The following ATRN variants were observed in gnomAD, a reference collection of about 807,000 sequenced individuals.
The protein encoded by ATRN is attractin.
ATRN carries 54 observed loss-of-function variants against 178.7 expected under a neutral mutation model. The observed-to-expected ratio is 0.30, with a 90% confidence interval of 0.24 to 0.38. ATRN has a LOEUF of 0.38. Ranked by LOEUF, ATRN falls within the 10% of genes least tolerant of loss-of-function variation. ATRN has a pLI of 1.00. For synonymous variants in ATRN, 636 were observed against 663.0 expected (o/e 0.96, Z 0.63); for missense variants, 1,443 against 1,815.1 (o/e 0.79, Z 3.73).
At position 3,531,830 on chromosome 20, in the gene ATRN, T is replaced by C. The variant is rs559680976; in HGVS notation, c.411-3423T>C. Among the ~76,000 whole-genome samples, 18 of 152,256 alleles carry C rather than the reference T, an allele frequency of 1.2e-4. No homozygotes were observed. The Middle Eastern group carries it at 0.01, about 86-fold the overall frequency. ...ACAACAACAACAACAACAAGATTCG[T>C]CTGTGATCATATCTATGCATTATCT... On this transcript the variant is annotated intron_variant, in intron 1 of 28. Coordinates refer to ENST00000262919, the MANE Select transcript of ATRN (RefSeq NM_139321.3).
At chr20:3,574,935 T>C (rs1484766436) in intron 12 of ATRN, among the ~76,000 whole-genome samples, 1 of 149,414 alleles carries the variant, frequency 6.7e-6, no homozygotes, top group Non-Finnish European at 1.5e-5. Flanking sequence ...GTTGAACAGA[T>C]GAGACAACAT....
At chr20:3,626,496 G>T (rs1335145487) in intron 25 of ATRN, among the ~76,000 whole-genome samples, 1 of 152,094 alleles carries the variant, frequency 6.6e-6, no homozygotes. Context: ...AACACTTCTA[G>T]AGTATTGATA....
At position 3,540,262 on chromosome 20, in the gene ATRN, A is replaced by G; in HGVS notation, c.535A>G (p.Thr179Ala). Residue 179 changes from threonine to alanine, a missense_variant, in exon 3 of 29, where the codon ACA (threonine) becomes GCA (alanine). Thr to Ala is a moderately conservative substitution (Grantham distance 58, BLOSUM62 0). This residue lies in a region of ATRN where 862 missense variants were observed against 972.1 expected (regional missense o/e 0.89). Transcript: ENST00000262919. ...IMRLRFNHFATECSWDHLYVY... is the reference protein window; with the variant it reads ...IMRLRFNHFAAECSWDHLYVY... ...GAGACTTCGTTTCAATCATTTTGCTACAGAGTGTAGTTGGGACCATTTATA... is the reference window on the plus strand; with the variant it reads ...GAGACTTCGTTTCAATCATTTTGCTGCAGAGTGTAGTTGGGACCATTTATA... 1 of 1,607,106 alleles carries G rather than the reference A, an allele frequency of 6.2e-7. No homozygotes were observed. Among genetic ancestry groups the G allele is most frequent in the South Asian group, 1.1e-5 (1 of 88,958 alleles).
Position 3,582,139 on chromosome 20 carries a change from A to G in ATRN, c.2549A>G (p.Lys850Arg), listed in dbSNP as rs775324375. Reference sequence around the variant, plus strand: ...TTGTGTCTCTTTTGCCTTTAGTCCAAGCTCACCTTAACCCCATGGGTCGGC... The same window carrying G: ...TTGTGTCTCTTTTGCCTTTAGTCCAGGCTCACCTTAACCCCATGGGTCGGC... ...RIMQSSQSMSKLTLTPWVGLR... is the reference protein window; with the variant it reads ...RIMQSSQSMSRLTLTPWVGLR... The change falls in exon 16 of 29, where the codon AAG becomes AGG. Residue 850 changes from lysine (K) to arginine (R), a missense_variant. Transcript: ENST00000262919. The G allele has an allele frequency of 3.1e-6, 5 of 1,613,816 alleles. No homozygotes were observed. In the African/African-American group the frequency reaches 4.0e-5, roughly 13 times the overall value.
At chr20:3,521,655 T>A (rs2085298271) in intron 1 of ATRN, among the ~76,000 whole-genome samples, 1 of 152,190 alleles carries the variant, frequency 6.6e-6, no homozygotes, top group African/African-American at 2.4e-5. Context: ...ACATAATTGG[T>A]ACTTAGAGAA....
chr20:3,616,236 T>A lies in ATRN; in HGVS notation c.3802-8275T>A, dbSNP rs78326674. On this transcript the variant is annotated intron_variant, in intron 24 of 28. Transcript: ENST00000262919. The stretch of plus-strand genomic sequence containing the variant: ...GCCTTTGGCTGGACAGGTAAATCTT[T>A]GTCTCTAGCAGACTTCTCTCCTGTG... Among the ~76,000 whole-genome samples, 1,016 of 152,232 alleles carry A rather than the reference T, an allele frequency of 6.7e-3. 61 individuals carry two copies. The East Asian group carries it at 0.14, about 21-fold the overall frequency.
intron 6 of ATRN, 99 bp from the exon 7 acceptor site, chr20:3,559,294 T>C: frequency 1.1e-6 from 1 of 922,096 alleles, no homozygotes; most frequent in Non-Finnish European, 1.8e-6. Context: ...CCATGGTGGA[T>C]TTAGTGAGCA....
chr20:3,578,511 T>G (rs2086241499), intron 14 of ATRN, 71 bp from the exon 15 acceptor site: 2 of 1,361,704 alleles, frequency 1.5e-6, no homozygotes, highest in Non-Finnish European at 2.0e-6. Context: ...ATTCAGTAAT[T>G]TGAACTCATA....
chr20:3,638,997 G>A lies in ATRN; in HGVS notation c.4050+62G>A. 2.2e-6 allele frequency: 3 copies of A among 1,363,022 alleles called. No homozygotes were observed. The highest frequency in any genetic ancestry group is 3.1e-6 in the Non-Finnish European group (3 of 975,162). The allele number at this position is 1,363,022 out of a possible 1,614,324, so 84.4% of individuals were successfully genotyped here. ...TTTTAAAACTTAGGCTCCTAAGTCT[G>A]GGAAACCAGAGAGAGCAAAAGCCCT... is the stretch of plus-strand genomic sequence containing the variant. On this transcript the variant is annotated intron_variant, in intron 27 of 28. Coordinates refer to ENST00000262919, the MANE Select transcript of ATRN (RefSeq NM_139321.3). The surrounding 1 kb of genome is among the most constrained non-coding windows in gnomAD (Gnocchi z 4.5).
At chr20:3,478,689 A>G (rs1168081309) in intron 1 of ATRN, among the ~76,000 whole-genome samples, 1 of 152,074 alleles carries the variant, frequency 6.6e-6, no homozygotes, top group Non-Finnish European at 1.5e-5. Flanking sequence ...TGTAATAAAA[A>G]ACAAAAACAT....
chr20:3,483,292 C>T (rs1456342161), intron 1 of ATRN, among the ~76,000 whole-genome samples: 1 of 152,160 alleles, frequency 6.6e-6, no homozygotes, highest in Non-Finnish European at 1.5e-5. Context: ...TACCCATTTT[C>T]CTGCTGATGG....
intron 1 of ATRN, among the ~76,000 whole-genome samples, chr20:3,501,224 A>G (rs542164147): frequency 3.9e-5 from 6 of 152,290 alleles, no homozygotes; most frequent in Admixed American, 3.9e-4. Flanking sequence ...GTAGAAACAG[A>G]GAAGTTGTTG....
In ATRN at chr20:3,638,631, A is replaced by G. The variant is rs1461932270; in HGVS notation, c.3943-197A>G. Among the ~76,000 whole-genome samples the G allele has an allele frequency of 2.6e-5, 4 of 152,242 alleles. No individual in the cohort carries two copies. Among genetic ancestry groups the G allele is most frequent in the Non-Finnish European group, 5.9e-5 (4 of 68,042 alleles). On this transcript the variant is annotated intron_variant, in intron 26 of 28. Transcript: ENST00000262919. The surrounding 1 kb of genome is among the most constrained non-coding windows in gnomAD (Gnocchi z 4.5). ...TATCTCTGACAGGGGCTTTTAAAAA[A>G]TATAAGGACAATGGTGTTATCACAT...
At chr20:3,529,895 A>T (rs1300784948) in intron 1 of ATRN, among the ~76,000 whole-genome samples, 1 of 152,180 alleles carries the variant, frequency 6.6e-6, no homozygotes, top group East Asian at 1.9e-4. Context: ...GTGGCAGTAA[A>T]ATACTGTCAG....
At chr20:3,551,418 A>G (rs1433568281) in intron 6 of ATRN, among the ~76,000 whole-genome samples, 1 of 152,160 alleles carries the variant, frequency 6.6e-6, no homozygotes. Flanking sequence ...CTATACTTCA[A>G]CTGAGACCAC....
intron 11 of ATRN, among the ~76,000 whole-genome samples, chr20:3,570,769 T>C (rs2086110370): frequency 6.6e-6 from 1 of 152,202 alleles, no homozygotes; most frequent in South Asian, 2.1e-4. Context: ...ATTAGGTTTT[T>C]CTCTAAAAAG....
intron 25 of ATRN, among the ~76,000 whole-genome samples, chr20:3,631,786 C>T (rs902652663): frequency 2.6e-5 from 4 of 152,138 alleles, no homozygotes; most frequent in Non-Finnish European, 5.9e-5. Flanking sequence ...GAAGCTGTTG[C>T]CGTTGGCTTC....
rs2146330079 is a variant in ATRN, at chr20:3,646,863, C to T, written c.*16C>T. On this transcript the variant is annotated 3_prime_UTR_variant, in exon 29 of 29. Transcript: ENST00000262919. Reference sequence around the variant, plus strand: ...CTGCATCTGATGCTGGGGCCAGGGACTCTCCCACGCACGAGCTAGTGAGTG... The same window carrying T: ...CTGCATCTGATGCTGGGGCCAGGGATTCTCCCACGCACGAGCTAGTGAGTG... The T allele has an allele frequency of 6.2e-7, 1 of 1,612,688 alleles. No homozygotes were observed. Among genetic ancestry groups the T allele is most frequent in the East Asian group, 2.2e-5 (1 of 44,846 alleles).
chr20:3,564,342 C>T (rs1353530211), intron 10 of ATRN, among the ~76,000 whole-genome samples: 6 of 152,168 alleles, frequency 3.9e-5, no homozygotes, highest in African/African-American at 9.7e-5. Flanking sequence ...TAAGGAGGGG[C>T]CATCCTCTCT....
Sources: gnomAD v4.1 joint callset for allele counts (sites outside exome capture counted in the v4.1 genomes callset) on GRCh38, gnomAD v4.1.1 for gene constraint, gnomAD v4.1.1 regional missense constraint, Gnocchi (gnomAD v3.1) non-coding constraint, MANE v1.5 for transcripts, NCBI Gene and HGNC (gene_info 2026-07-23, HGNC 2026-07-21) for gene names.